MTUS2: variants seen among roughly 807,000 people sequenced by gnomAD.
MTUS2 encodes microtubule associated scaffold protein 2, also known as microtubule-associated tumor suppressor candidate 2.
MTUS2 carries 40 observed loss-of-function variants against 114.1 expected under a neutral mutation model. The ratio of observed to expected loss-of-function variants is 0.35; its 90% confidence interval spans 0.27 to 0.46. MTUS2 has a LOEUF of 0.46. Ranked by LOEUF, MTUS2 falls within the 20% of genes least tolerant of loss-of-function variation. The pLI is 1.00. For missense variants in MTUS2, 1,679 were observed against 1,705.4 expected (o/e 0.98, Z 0.27); for synonymous variants, 688 against 672.0 (o/e 1.02, Z -0.37).
chr13:28,963,455 A>G (rs1468980803), intron 2 of MTUS2, among the ~76,000 whole-genome samples: 1 of 152,250 alleles, frequency 6.6e-6, no homozygotes, highest in Non-Finnish European at 1.5e-5. Context: ...TTCACACCAG[A>G]TACCCACTTT....
At chr13:29,110,991 G>T (rs998299871) in intron 5 of MTUS2, among the ~76,000 whole-genome samples, 3 of 152,108 alleles carry the variant, frequency 2.0e-5, no homozygotes, top group Non-Finnish European at 1.5e-5. Context: ...AGTTAACCTC[G>T]CTGGACTAAG....
At chr13:28,825,913 C>G (rs1308537345) in intron 1 of MTUS2, among the ~76,000 whole-genome samples, 1 of 152,110 alleles carries the variant, frequency 6.6e-6, no homozygotes, top group African/African-American at 2.4e-5. Flanking sequence ...TCTGGTGTTC[C>G]TGACTCTTCT....
rs115639217 is a variant in MTUS2, at chr13:29,035,154, C to A, written c.2446+1029C>A. 1.4e-3 allele frequency among the ~76,000 whole-genome samples: 213 copies of A among 152,304 alleles called. 1 individual carries two copies. The highest frequency in any genetic ancestry group is 4.9e-3 in the African/African-American group (203 of 41,560). On this transcript the variant is annotated intron_variant, in intron 4 of 15. Coordinates refer to ENST00000612955, the MANE Select transcript of MTUS2 (RefSeq NM_001033602.4). ...AACTCAGTTCAGTCCTAGAAGTACACATATGAGGGGCTGCCTCCATCCTAC... is the reference window on the plus strand; with the variant it reads ...AACTCAGTTCAGTCCTAGAAGTACAAATATGAGGGGCTGCCTCCATCCTAC...
chr13:29,255,353 AG>A (rs1897256659), intron 5 of MTUS2, among the ~76,000 whole-genome samples: 1 of 152,162 alleles, frequency 6.6e-6, no homozygotes, highest in Admixed American at 6.5e-5. Context: ...GATTTTTTAC[AG>A]CCCCCTCCGG....
intron 2 of MTUS2, among the ~76,000 whole-genome samples, chr13:28,992,766 G>C (rs887692742): frequency 1.3e-5 from 2 of 151,946 alleles, no homozygotes; most frequent in African/African-American, 4.8e-5. Flanking sequence ...ACAATTTTCT[G>C]TCTTACCCAT....
chr13:29,440,546 G>A (rs1877760027), intron 9 of MTUS2, among the ~76,000 whole-genome samples: 1 of 152,166 alleles, frequency 6.6e-6, no homozygotes, highest in Admixed American at 6.5e-5. Context: ...GGACCACGGA[G>A]ACCTTACAAA....
At chr13:29,242,092 G>T (rs1372433935) in intron 5 of MTUS2, among the ~76,000 whole-genome samples, 1 of 152,114 alleles carries the variant, frequency 6.6e-6, no homozygotes, top group Non-Finnish European at 1.5e-5. Context: ...TGCATAACTA[G>T]ATATATTTTA....
chr13:29,451,806 C>T (rs1004585564), intron 9 of MTUS2, among the ~76,000 whole-genome samples: 1 of 152,074 alleles, frequency 6.6e-6, no homozygotes, highest in Non-Finnish European at 1.5e-5. Flanking sequence ...CCAGGCTGGT[C>T]TCAAACTCCT....
chr13:29,027,434 G>A (rs1033418314), intron 3 of MTUS2, among the ~76,000 whole-genome samples: 7 of 149,818 alleles, frequency 4.7e-5, no homozygotes. Context: ...ATAATTGAGG[G>A]CCAGCTCTAC....
At position 29,214,354 on chromosome 13, in the gene MTUS2, T is replaced by G. The variant is rs148120583; in HGVS notation, c.2645-67350T>G. The stretch of plus-strand genomic sequence containing the variant: ...TCTTTTAATTGGGGCATTTAGCCAG[T>G]TTACATTTGCAGTTAATTTTGTTAT... On this transcript the variant is annotated intron_variant, in intron 5 of 15. Coordinates refer to ENST00000612955, the MANE Select transcript of MTUS2 (RefSeq NM_001033602.4). Among the ~76,000 whole-genome samples the G allele has an allele frequency of 2.8e-3, 421 of 152,338 alleles. 1 individual carries two copies. Among genetic ancestry groups the G allele is most frequent in the African/African-American group, 9.7e-3 (405 of 41,580 alleles).
intron 5 of MTUS2, among the ~76,000 whole-genome samples, chr13:29,186,493 C>A (rs1249293585): frequency 6.6e-6 from 1 of 152,142 alleles, no homozygotes; most frequent in Non-Finnish European, 1.5e-5. Flanking sequence ...ATATTAATGT[C>A]AGACAAAATA....
intron 4 of MTUS2, among the ~76,000 whole-genome samples, chr13:29,074,899 AT>A (rs1889115912): frequency 6.6e-6 from 1 of 152,194 alleles, no homozygotes; most frequent in Non-Finnish European, 1.5e-5. Context: ...CATTTAAAGC[AT>A]AAATTCAAAT....
At chr13:29,286,641 A>G (rs926894843) in intron 6 of MTUS2, among the ~76,000 whole-genome samples, 1 of 130,708 alleles carries the variant, frequency 7.7e-6, no homozygotes, top group East Asian at 2.1e-4. Flanking sequence ...AAAGCCATGC[A>G]CTATCTATCT....
Position 29,389,987 on chromosome 13 carries a change from G to A in MTUS2, c.3117+30514G>A. Among the ~76,000 whole-genome samples, 2 of 26,470 alleles carry A rather than the reference G, an allele frequency of 7.6e-5. 1 individual carries two copies. The highest frequency in any genetic ancestry group is 1.8e-4 in the African/African-American group (2 of 11,386). The allele number at this position is 26,470 out of a possible 152,430, so 17.4% of individuals were successfully genotyped here. On this transcript the variant is annotated intron_variant, in intron 8 of 15. Coordinates refer to ENST00000612955, the MANE Select transcript of MTUS2 (RefSeq NM_001033602.4). The stretch of plus-strand genomic sequence containing the variant: ...TCTGTGTATATACACATACATGTAT[G>A]TGTATGTATGTATGTGTATATATAC...
intron 2 of MTUS2, among the ~76,000 whole-genome samples, chr13:28,968,323 G>A (rs1423486561): frequency 6.6e-6 from 1 of 152,156 alleles, no homozygotes; most frequent in African/African-American, 2.4e-5. Flanking sequence ...TATACATTGA[G>A]TTAACAAAGT....
chr13:29,147,961 A>G (rs1263322741), intron 5 of MTUS2, among the ~76,000 whole-genome samples: 1 of 152,148 alleles, frequency 6.6e-6, no homozygotes, highest in Non-Finnish European at 1.5e-5. Context: ...ATGTTCCAGT[A>G]ATGGGATTGC....
chr13:29,492,716 G>A lies in MTUS2; in HGVS notation c.3576G>A (p.Leu1192=), dbSNP rs777276957. The stretch of plus-strand genomic sequence containing the variant: ...ATTTTGAAAAACTGCGGCTGTCATT[G>A]CAGGTTAGTATTTCTTTAATTTTCT... ...EENFEKLRLS[L]QDQVDTLTFQ... Residue 1192 remains leucine (L), a synonymous_variant, in exon 12 of 16, where the codon TTG becomes TTA. Transcript: ENST00000612955. 2.5e-6 allele frequency: 4 copies of A among 1,612,016 alleles called. No individual in the cohort carries two copies. The highest frequency in any genetic ancestry group is 2.2e-5 in the South Asian group (2 of 91,036).
intron 8 of MTUS2, among the ~76,000 whole-genome samples, chr13:29,388,712 C>T (rs1872804890): frequency 6.6e-6 from 1 of 151,194 alleles, no homozygotes; most frequent in South Asian, 2.1e-4. Context: ...AAAAATTAAG[C>T]CAACTTACAA....
At chr13:29,330,721 G>A (rs1021859441) in intron 7 of MTUS2, among the ~76,000 whole-genome samples, 7 of 152,036 alleles carry the variant, frequency 4.6e-5, no homozygotes, top group African/African-American at 1.7e-4. Flanking sequence ...TTTTTGTCAG[G>A]GTTGTCAAAG....
Sources: gnomAD v4.1 joint callset for allele counts (sites outside exome capture counted in the v4.1 genomes callset) on GRCh38, gnomAD v4.1.1 for gene constraint, MANE v1.5 for transcripts, NCBI Gene and HGNC (gene_info 2026-07-23, HGNC 2026-07-21) for gene names.